Variants in ZMIZ1 observed in about 807,000 individuals in gnomAD.
ZMIZ1 encodes zinc finger MIZ domain-containing protein 1.
ZMIZ1 carries 17 observed loss-of-function variants against 113.9 expected under a neutral mutation model. The observed-to-expected ratio is 0.15, with a 90% CI of 0.10 to 0.22. The LOEUF is 0.22. Ranked by LOEUF, ZMIZ1 falls within the 10% of genes least tolerant of loss-of-function variation. ZMIZ1 has a pLI of 1.00. For synonymous variants in ZMIZ1, 607 were observed against 603.1 expected (o/e 1.01, Z -0.09); for missense variants, 1,059 against 1,477.8 (o/e 0.72, Z 4.65).
rs753999173 is a variant in ZMIZ1 at position 79,289,802 on chromosome 10, C to T, written c.453C>T (p.Val151=). 1.2e-6 allele frequency: 2 copies of T among 1,614,040 alleles called. No individual in the cohort carries two copies. Among genetic ancestry groups the T allele is most frequent in the South Asian group, 1.1e-5 (1 of 91,086 alleles). ...HSDGSFPYDS[V]PWQQNTNQPP... is the part of the protein sequence containing the mutation. Reference sequence around the variant, plus strand: ...ATGGGTCGTTCCCCTATGACTCTGTCCCTTGGCAGCAGAACACCAACCAGC... The same window carrying T: ...ATGGGTCGTTCCCCTATGACTCTGTTCCTTGGCAGCAGAACACCAACCAGC... The change falls in exon 9 of 25, where the codon GTC becomes GTT. Residue 151 remains valine, a synonymous_variant. Transcript: ENST00000334512.
intron 7 of ZMIZ1, among the ~76,000 whole-genome samples, chr10:79,230,357 G>A (rs1849346913): frequency 6.6e-6 from 1 of 152,194 alleles, no homozygotes; most frequent in Non-Finnish European, 1.5e-5. Flanking sequence ...ACAGGCTGCT[G>A]CCCTGCTCCA....
At chr10:79,250,289 G>A (rs1458123594) in intron 7 of ZMIZ1, among the ~76,000 whole-genome samples, 1 of 152,242 alleles carries the variant, frequency 6.6e-6, no homozygotes, top group Non-Finnish European at 1.5e-5. Context: ...GCCTGTCCTT[G>A]CCCTGTGTTG....
intron 7 of ZMIZ1, among the ~76,000 whole-genome samples, chr10:79,248,945 C>T (rs1318853294): frequency 6.6e-6 from 1 of 152,148 alleles, no homozygotes; most frequent in Non-Finnish European, 1.5e-5. Flanking sequence ...CTCCCTGGGT[C>T]AGAGCCTGAG....
chr10:79,153,717 G>GTGC (rs1845793268), intron 3 of ZMIZ1, among the ~76,000 whole-genome samples: 1 of 152,264 alleles, frequency 6.6e-6, no homozygotes, highest in African/African-American at 2.4e-5. Flanking sequence ...GCAGAGAGAG[G>GTGC]TGCAGGGACT....
At chr10:79,171,236 T>C (rs967316204) in intron 4 of ZMIZ1, among the ~76,000 whole-genome samples, 1 of 152,148 alleles carries the variant, frequency 6.6e-6, no homozygotes, top group Non-Finnish European at 1.5e-5. Flanking sequence ...TGAGATCTCG[T>C]TTGAGGCAGC....
chr10:79,070,075 GC>G (rs1325056288), intron 1 of ZMIZ1, among the ~76,000 whole-genome samples: 1 of 151,852 alleles, frequency 6.6e-6, no homozygotes, highest in African/African-American at 2.4e-5. Context: ...TCCGTCTCCG[GC>G]GGCGGTGGCC....
chr10:79,071,003 G>A (rs1455031180), intron 1 of ZMIZ1, among the ~76,000 whole-genome samples: 1 of 152,234 alleles, frequency 6.6e-6, no homozygotes, highest in Non-Finnish European at 1.5e-5. Flanking sequence ...GGCTGGGCTG[G>A]CGGGGTGAGG....
rs544357031 is a variant in ZMIZ1, at chr10:79,314,037, C to A, written c.*1288C>A. On this transcript the variant is annotated 3_prime_UTR_variant, in exon 25 of 25. Coordinates refer to ENST00000334512, the MANE Select transcript of ZMIZ1 (RefSeq NM_020338.4). ...GAGGGGGGCGTGTTTCTGGGCCTGC[C>A]CCAGACACTGCCCTTGGCTGCCAGC... 4.4e-6 allele frequency: 2 copies of A among 456,822 alleles called. No homozygotes were observed. Among genetic ancestry groups the A allele is most frequent in the Admixed American group, 2.3e-5 (1 of 42,590 alleles). The allele number at this position is 456,822 out of a possible 1,614,324, so 28.3% of individuals were successfully genotyped here.
chr10:79,191,563 G>A (rs1244794399), intron 4 of ZMIZ1, among the ~76,000 whole-genome samples: 1 of 152,186 alleles, frequency 6.6e-6, no homozygotes, highest in East Asian at 1.9e-4. Context: ...GAGGCTTGTG[G>A]CCTGGGCCCA....
chr10:79,306,631 A>G (rs1589612793), intron 22 of ZMIZ1, among the ~76,000 whole-genome samples: 1 of 151,482 alleles, frequency 6.6e-6, no homozygotes, highest in East Asian at 2.0e-4. Context: ...TTTTTCTGTG[A>G]TATCTACATT....
chr10:79,246,125 C>T (rs1850181531), intron 7 of ZMIZ1, among the ~76,000 whole-genome samples: 1 of 152,250 alleles, frequency 6.6e-6, no homozygotes, highest in Non-Finnish European at 1.5e-5. Flanking sequence ...CCATTTAACA[C>T]AGGAGAAAAC....
chr10:79,135,932 C>A (rs947769759), intron 2 of ZMIZ1, among the ~76,000 whole-genome samples: 1 of 152,000 alleles, frequency 6.6e-6, no homozygotes. Context: ...CAGAGATCTC[C>A]CTCTCATCAG....
At chr10:79,288,747 G>A (rs1045000128) in intron 8 of ZMIZ1, among the ~76,000 whole-genome samples, 18 of 152,120 alleles carry the variant, frequency 1.2e-4, no homozygotes, top group East Asian at 9.7e-4. Flanking sequence ...CTGCCCCTTC[G>A]CTGGGATCTG....
chr10:79,234,061 G>A (rs902817083), intron 7 of ZMIZ1, among the ~76,000 whole-genome samples: 1 of 152,214 alleles, frequency 6.6e-6, no homozygotes, highest in African/African-American at 2.4e-5. Flanking sequence ...CTGAGTCCTT[G>A]AATGCCAATC....
intron 1 of ZMIZ1, among the ~76,000 whole-genome samples, chr10:79,085,577 A>T (rs905553582): frequency 2.0e-5 from 3 of 152,200 alleles, no homozygotes; most frequent in African/African-American, 7.2e-5. Context: ...AAATGGGCAG[A>T]GGGTGCCCGC....
chr10:79,306,469 ATCCCCC>A, intron 22 of ZMIZ1, 125 bp downstream of exon 22: 3 of 1,459,256 alleles, frequency 2.1e-6, no homozygotes, highest in South Asian at 2.7e-5. Context: ...GAAGTAACAC[ATCCCCC>A]AAAAAACAAT....
At chr10:79,090,321 T>TC (rs144755456) in intron 1 of ZMIZ1, among the ~76,000 whole-genome samples, 2,684 of 152,262 alleles carry the variant, frequency 0.018, 29 homozygotes, top group Non-Finnish European at 0.026. Context: ...GGGTTTTTTT[T>TC]CTCATCCCCC....
intron 5 of ZMIZ1, among the ~76,000 whole-genome samples, chr10:79,205,316 C>T (rs1256418916): frequency 1.3e-5 from 2 of 152,242 alleles, no homozygotes; most frequent in African/African-American, 4.8e-5. Context: ...TGGCCCCTCC[C>T]TCCACCTCCC....
intron 8 of ZMIZ1, among the ~76,000 whole-genome samples, chr10:79,288,538 A>G (rs982259611): frequency 2.0e-5 from 3 of 151,578 alleles, no homozygotes; most frequent in Non-Finnish European, 2.9e-5. Context: ...ACACACATAC[A>G]CACACACACA....
Sources: gnomAD v4.1 joint callset for allele counts (sites outside exome capture counted in the v4.1 genomes callset) on GRCh38, gnomAD v4.1.1 for gene constraint, MANE v1.5 for transcripts, NCBI Gene and HGNC (gene_info 2026-07-23, HGNC 2026-07-21) for gene names.